ACACA: variants seen among roughly 807,000 people sequenced by gnomAD.
The protein encoded by ACACA is acetyl-CoA carboxylase alpha, also known as acetyl-CoA carboxylase 1.
ACACA carries 103 observed loss-of-function variants against 296.1 expected under a neutral mutation model. The observed-to-expected ratio is 0.35, with a 90% CI of 0.30 to 0.41. The LOEUF (loss-of-function observed/expected upper bound fraction) is 0.41. ACACA is among the 10% of genes least tolerant of loss of function. The probability of loss-of-function intolerance (pLI) is 1.00; values close to 1 mark genes in which losing one functional copy is unlikely to be tolerated. For synonymous variants in ACACA, 953 were observed against 1,038.6 expected (o/e 0.92, Z 1.58); for missense variants, 1,554 against 2,989.7 (o/e 0.52, Z 11.20).
intron 33 of ACACA, among the ~76,000 whole-genome samples, chr17:37,201,048 A>G (rs2078223958): frequency 6.6e-6 from 1 of 152,040 alleles, no homozygotes; most frequent in African/African-American, 2.4e-5. Flanking sequence ...TTTTTTAAAA[A>G]CTCTCTCTTT....
intron 35 of ACACA, among the ~76,000 whole-genome samples, chr17:37,195,959 G>A (rs145628562): frequency 7.2e-5 from 11 of 152,098 alleles, no homozygotes; most frequent in East Asian, 3.9e-4. Context: ...AGAATGCAAC[G>A]TTTCACAGGA....
chr17:37,299,665 T>G, intron 3 of ACACA: 2 of 1,087,182 alleles, frequency 1.8e-6, no homozygotes, highest in Non-Finnish European at 2.2e-6. Flanking sequence ...AACTAGAAAG[T>G]AGATCTTAGC....
chr17:37,294,159 G>T (rs1428375071), intron 3 of ACACA, among the ~76,000 whole-genome samples: 1 of 150,234 alleles, frequency 6.7e-6, no homozygotes, highest in East Asian at 1.9e-4. Context: ...AGATCATTTT[G>T]TATGGGCTAA....
chr17:37,134,103 C>T (rs887157558), intron 45 of ACACA, among the ~76,000 whole-genome samples: 4 of 152,158 alleles, frequency 2.6e-5, no homozygotes, highest in Non-Finnish European at 5.9e-5. Context: ...ACCAAAGATG[C>T]TACGTAGCCT....
intron 21 of ACACA, among the ~76,000 whole-genome samples, chr17:37,244,176 C>T (rs2080569198): frequency 1.3e-5 from 2 of 149,990 alleles, no homozygotes; most frequent in South Asian, 2.1e-4. Context: ...GTCTGGCCAA[C>T]GTGGTGAAAC....
Position 37,121,403 on chromosome 17 carries a change from G to A in ACACA, c.6226C>T (p.Pro2076Ser), listed in dbSNP as rs995823287. ...CTCCAGTTGGCAAAGACCATCAGAG[G>A]CAGCCCTTCCCGGTTGAAGTCCTTG... ...AIKDFNREGLPLMVFANWRGF... is the reference protein window; with the variant it reads ...AIKDFNREGLSLMVFANWRGF... Residue 2076 changes from proline (P) to serine (S), a missense_variant, in exon 50 of 56, where the codon CCT becomes TCT. By Grantham distance (74) the Pro-to-Ser change is moderately conservative. Around this residue, in one of 16 missense-constraint regions of ACACA, gnomAD observed 553 missense variants for 1,043.6 expected, o/e 0.53. Transcript: ENST00000616317. 1.9e-6 allele frequency: 3 copies of A among 1,614,000 alleles called. No individual in the cohort carries two copies. Among genetic ancestry groups the A allele is most frequent in the Non-Finnish European group, 2.5e-6 (3 of 1,180,038 alleles).
chr17:37,305,400 T>G (rs1458115090), intron 3 of ACACA, among the ~76,000 whole-genome samples: 1 of 152,234 alleles, frequency 6.6e-6, no homozygotes, highest in Non-Finnish European at 1.5e-5. Flanking sequence ...ATGTGGCTTT[T>G]GAGGAGTCAC....
rs563947548 is a variant in ACACA, at chr17:37,273,083, CAAAAT to C, written c.1008+1105_1008+1109del. Among the ~76,000 whole-genome samples, 1,137 of 152,218 alleles carry C rather than the reference CAAAAT, an allele frequency of 7.5e-3. 17 individuals carry two copies. Among genetic ancestry groups the C allele is most frequent in the African/African-American group, 0.025 (1,050 of 41,540 alleles). ...CTACTCTTTTGCAAATTATAACAAA[CAAAAT>C]AAAGCATTTGAAATTCAATTAGAAA... On this transcript the variant is annotated intron_variant, in intron 9 of 55. Coordinates refer to ENST00000616317, the MANE Select transcript of ACACA (RefSeq NM_198834.3).
chr17:37,339,524 A>G (rs1031962894), intron 2 of ACACA, among the ~76,000 whole-genome samples: 8 of 152,210 alleles, frequency 5.3e-5, no homozygotes, highest in Non-Finnish European at 1.0e-4. Context: ...CCAACAGAAA[A>G]GAGAGGTCAT....
intron 29 of ACACA, among the ~76,000 whole-genome samples, chr17:37,215,905 T>C (rs2078959054): frequency 1.3e-5 from 2 of 152,072 alleles, no homozygotes; most frequent in African/African-American, 4.8e-5. Flanking sequence ...TCACAGAATC[T>C]TCAATGAGAG....
At chr17:37,242,182 G>T in intron 22 of ACACA, 129 bp from the exon 23 acceptor site, 1 of 745,578 alleles carries the variant, frequency 1.3e-6, no homozygotes, top group Non-Finnish European at 2.4e-6. Flanking sequence ...CATGTTGGCA[G>T]CAGCTGGAAG....
chr17:37,156,351 CT>C (rs1458240014), intron 42 of ACACA, among the ~76,000 whole-genome samples: 2 of 152,228 alleles, frequency 1.3e-5, no homozygotes, highest in African/African-American at 4.8e-5. Context: ...GCGTGAGCCA[CT>C]GCTCCCGGCC....
In ACACA at chr17:37,097,890, G is replaced by C. The variant is rs548821816; in HGVS notation, c.6660C>G (p.Ala2220=). ...EFLIPIYHQV[A]VQFADLHDTP... ...TGTCGTGCAAGTCAGCAAACTGCAC[G>C]GCTACCTGATGGTAAATGGGAATTA... The change falls in exon 53 of 56, where the codon GCC becomes GCG. Residue 2220 remains alanine (A), a synonymous_variant. Coordinates refer to ENST00000616317, the MANE Select transcript of ACACA (RefSeq NM_198834.3). The surrounding 1 kb of genome is among the most constrained non-coding windows in gnomAD (Gnocchi z 4.8). 1.2e-6 allele frequency: 2 copies of C among 1,614,098 alleles called. No homozygotes were observed. Among genetic ancestry groups the C allele is most frequent in the Non-Finnish European group, 1.7e-6 (2 of 1,180,030 alleles).
intron 45 of ACACA, among the ~76,000 whole-genome samples, chr17:37,136,347 T>C (rs1176195579): frequency 6.6e-6 from 1 of 152,196 alleles, no homozygotes; most frequent in Non-Finnish European, 1.5e-5. Context: ...AGTTAGCATA[T>C]TGCATCTAAG....
intron 3 of ACACA, among the ~76,000 whole-genome samples, chr17:37,308,378 A>T (rs1214885155): frequency 6.6e-6 from 1 of 152,192 alleles, no homozygotes; most frequent in Non-Finnish European, 1.5e-5. Flanking sequence ...TTGAAAAGGA[A>T]CTGAATTGAT....
chr17:37,087,418 C>T lies in ACACA; in HGVS notation c.7050G>A (p.Glu2350=). Residue 2350 remains glutamate, a synonymous_variant, in exon 56 of 56, where the codon GAG becomes GAA. Coordinates refer to ENST00000616317, the MANE Select transcript of ACACA (RefSeq NM_198834.3). The stretch of plus-strand genomic sequence containing the variant: ...TATGGATGATGGAATCCATGGCAAC[C>T]TCTGGATTGGCCTGGACCAAGCTGG... The part of the protein sequence containing the change: ...QIRSLVQANP[E]VAMDSIIHMT... The T allele has an allele frequency of 6.2e-7, 1 of 1,614,070 alleles. No individual in the cohort carries two copies. The highest frequency in any genetic ancestry group is 8.5e-7 in the Non-Finnish European group (1 of 1,180,028).
intron 14 of ACACA, among the ~76,000 whole-genome samples, chr17:37,255,198 G>A (rs908711144): frequency 7.9e-5 from 12 of 152,072 alleles, no homozygotes; most frequent in South Asian, 2.1e-4. Context: ...TTCAACCAAC[G>A]TTTACTGAAT....
At position 37,381,864 on chromosome 17, in the gene ACACA, TG is replaced by T. The variant is rs1458947139; in HGVS notation, c.38+24397del. Among the ~76,000 whole-genome samples, 251 of 151,096 alleles carry T rather than the reference TG, an allele frequency of 1.7e-3. 1 individual carries two copies. The highest frequency in any genetic ancestry group is 5.2e-3 in the African/African-American group (210 of 40,626). On this transcript the variant is annotated intron_variant, in intron 1 of 55. Transcript: ENST00000616317. ...GGATGGTCTCGATCGCCTGACCTTG[TG>T]ATCTGCCCGCCTTGGCCTCCCAAAG...
intron 35 of ACACA, among the ~76,000 whole-genome samples, chr17:37,198,742 G>T (rs1304650543): frequency 6.6e-6 from 1 of 152,114 alleles, no homozygotes; most frequent in South Asian, 2.1e-4. Context: ...TAGCTCTCTT[G>T]TTTCTCTATA....
Sources: allele counts gnomAD v4.1 joint callset (sites outside exome capture counted in the v4.1 genomes callset), GRCh38; gene constraint gnomAD v4.1.1; regional missense constraint gnomAD v4.1.1; non-coding constraint Gnocchi (gnomAD v3.1); transcripts MANE v1.5; gene names NCBI Gene and HGNC (gene_info 2026-07-23, HGNC 2026-07-21).